ORC3: variants seen among roughly 807,000 people sequenced by gnomAD.
The protein encoded by ORC3 is origin recognition complex subunit 3, also known as homolog of latheo, Drosophila.
Under a neutral mutation model 100.7 loss-of-function variants are expected in ORC3, and 78 were observed. That is an observed-to-expected ratio of 0.77 (90% CI 0.65 to 0.94). The LOEUF is 0.94. Among genes scored for constraint, ORC3 ranks in the 40% least tolerant of loss-of-function variants. The pLI, the probability that ORC3 is intolerant of heterozygous loss-of-function variation, is 0.00. For missense variants in ORC3, 789 were observed against 823.9 expected, an observed-to-expected ratio of 0.96 and a Z score of 0.52; for synonymous variants, 295 against 289.3, an observed-to-expected ratio of 1.02 and a Z score of -0.20.
chr6:87,645,556 A>T (rs1456791954), intron 13 of ORC3, among the ~76,000 whole-genome samples: 1 of 152,004 alleles, frequency 6.6e-6, no homozygotes, highest in Non-Finnish European at 1.5e-5. Context: ...CTTCATTGAT[A>T]TATATACATT....
chr6:87,672,444 C>G (rs1381516357), downstream of ORC3, among the ~76,000 whole-genome samples: 2 of 152,188 alleles, frequency 1.3e-5, no homozygotes, highest in African/African-American at 4.8e-5. Flanking sequence ...AGGTTTGCAT[C>G]TCGTGCTCCT....
chr6:87,599,240 T>G (rs1046141977), intron 2 of ORC3, among the ~76,000 whole-genome samples: 4 of 152,208 alleles, frequency 2.6e-5, no homozygotes, highest in African/African-American at 9.7e-5. Context: ...CACATAAAAA[T>G]TGTGTCTTGA....
intron 5 of ORC3, among the ~76,000 whole-genome samples, chr6:87,607,060 T>G (rs970709067): frequency 6.6e-6 from 1 of 152,250 alleles, no homozygotes; most frequent in Non-Finnish European, 1.5e-5. Flanking sequence ...TTTTCCTATG[T>G]AATTTAAATA....
rs1779477714 is a variant in ORC3 at position 87,620,792 on chromosome 6, C to A, written c.988-562C>A. Among the ~76,000 whole-genome samples the A allele has an allele frequency of 2.0e-5, 3 of 152,320 alleles. No individual in the cohort carries two copies. The South Asian group carries it at 6.2e-4, about 32-fold the overall frequency. On this transcript the variant is annotated intron_variant, in intron 9 of 19. Coordinates refer to ENST00000392844, the MANE Select transcript of ORC3 (RefSeq NM_012381.4). ...AGAATCTGGAAAATTGTCTTCCCTT[C>A]TACCATAGAGCCCACAGCATTCTAT... is the stretch of plus-strand genomic sequence containing the variant.
intron 9 of ORC3, among the ~76,000 whole-genome samples, chr6:87,620,068 G>C (rs1201367278): frequency 6.6e-6 from 1 of 152,162 alleles, no homozygotes; most frequent in African/African-American, 2.4e-5. Context: ...CCAACTTGTT[G>C]ATTGACCCAG....
intron 8 of ORC3, among the ~76,000 whole-genome samples, chr6:87,614,390 A>G (rs1419671701): frequency 2.6e-5 from 4 of 152,238 alleles, no homozygotes; most frequent in African/African-American, 7.2e-5. Context: ...AGGGGCTGCC[A>G]TGAAGACCTC....
intron 8 of ORC3, among the ~76,000 whole-genome samples, chr6:87,613,824 T>C (rs1308874660): frequency 6.6e-6 from 1 of 152,226 alleles, no homozygotes; most frequent in African/African-American, 2.4e-5. Context: ...CCCATGGTCT[T>C]TGGCAGCTTC....
rs112030362 is a variant in ORC3 at position 87,613,964 on chromosome 6, G to A, written c.873+1716G>A. Among the ~76,000 whole-genome samples the A allele has an allele frequency of 4.2e-3, 639 of 152,280 alleles. 6 individuals carry two copies. Among genetic ancestry groups the A allele is most frequent in the African/African-American group, 0.015 (606 of 41,544 alleles). ...TCTACCATTCTGGGGTGTAGAGGATGGTAGCCCTTTTCTCACAGCTCCACT... is the reference window on the plus strand; with the variant it reads ...TCTACCATTCTGGGGTGTAGAGGATAGTAGCCCTTTTCTCACAGCTCCACT... On this transcript the variant is annotated intron_variant, in intron 8 of 19. Transcript: ENST00000392844.
chr6:87,608,093 C>G (rs984709347), intron 6 of ORC3, among the ~76,000 whole-genome samples: 1 of 152,146 alleles, frequency 6.6e-6, no homozygotes, highest in African/African-American at 2.4e-5. Flanking sequence ...AAAAACAGAG[C>G]ATCAGGAATT....
At chr6:87,655,849 A>G (rs1258147308) in intron 14 of ORC3, among the ~76,000 whole-genome samples, 1 of 152,166 alleles carries the variant, frequency 6.6e-6, no homozygotes, top group Non-Finnish European at 1.5e-5. Context: ...AACATGTAGC[A>G]AACTACATGT....
chr6:87,644,308 A>G (rs1435755916), intron 13 of ORC3, among the ~76,000 whole-genome samples: 4 of 150,772 alleles, frequency 2.7e-5, no homozygotes, highest in Admixed American at 6.6e-5. Flanking sequence ...TAGCCGGGAT[A>G]GTCTCGATCT....
intron 3 of ORC3, among the ~76,000 whole-genome samples, chr6:87,602,954 A>T (rs868213801): frequency 0.033 from 3,115 of 94,552 alleles, 174 homozygotes; most frequent in African/African-American, 0.12. Context: ...ACACATATAT[A>T]ATATATATAT....
intron 12 of ORC3, among the ~76,000 whole-genome samples, chr6:87,635,603 C>T (rs1767754967): frequency 6.6e-6 from 1 of 152,082 alleles, no homozygotes; most frequent in East Asian, 1.9e-4. Context: ...TCGAGAACAG[C>T]CTGGCCAACA....
At chr6:87,618,153 A>G in intron 9 of ORC3, among the ~76,000 whole-genome samples, 1 of 152,204 alleles carries the variant, frequency 6.6e-6, no homozygotes, top group Non-Finnish European at 1.5e-5. Context: ...GCTCACGCCT[A>G]TAATCCCAGC....
intron 8 of ORC3, among the ~76,000 whole-genome samples, chr6:87,614,218 C>A (rs1778987957): frequency 6.6e-6 from 1 of 152,204 alleles, no homozygotes. Context: ...TTGGGGCTTG[C>A]ACTCTCTGAA....
intron 2 of ORC3, among the ~76,000 whole-genome samples, chr6:87,601,501 T>G (rs1278452793): frequency 3.9e-5 from 6 of 152,064 alleles, no homozygotes; most frequent in Admixed American, 3.3e-4. Context: ...TGAAACCCCA[T>G]CTCTACTAAA....
At chr6:87,657,870 G>A in intron 15 of ORC3, 51 bp from the exon 16 acceptor site, 1 of 961,600 alleles carries the variant, frequency 1.0e-6, no homozygotes, top group Non-Finnish European at 1.7e-6. Flanking sequence ...CTCCCTCTGA[G>A]GGGTTTTCTG....
intron 12 of ORC3, among the ~76,000 whole-genome samples, chr6:87,636,090 G>A (rs993112334): frequency 9.9e-5 from 15 of 151,596 alleles, no homozygotes; most frequent in African/African-American, 3.6e-4. Flanking sequence ...GACTACAGAT[G>A]CCCGGCTAGT....
chr6:87,613,012 C>T (rs1778893332), intron 8 of ORC3, among the ~76,000 whole-genome samples: 2 of 152,198 alleles, frequency 1.3e-5, no homozygotes, highest in South Asian at 4.1e-4. Flanking sequence ...TTTTCCTAGA[C>T]CTTAGCAACT....
Sources: allele counts gnomAD v4.1 joint callset (sites outside exome capture counted in the v4.1 genomes callset), GRCh38; gene constraint gnomAD v4.1.1; transcripts MANE v1.5; gene names NCBI Gene and HGNC (gene_info 2026-07-23, HGNC 2026-07-21).